The following SLC17A1 variants were observed in gnomAD, a reference collection of about 807,000 sequenced individuals.
The protein encoded by SLC17A1 is solute carrier family 17 member 1, also known as sodium-dependent phosphate transport protein 1.
In SLC17A1, 51 loss-of-function variants were observed where a neutral mutation model predicts 53.5. The ratio of observed to expected loss-of-function variants is 0.95; its 90% confidence interval spans 0.76 to 1.20. The LOEUF (loss-of-function observed/expected upper bound fraction) is 1.20, where lower values mean the gene tolerates loss of function less well. Among genes scored for constraint, SLC17A1 ranks in the 50% most tolerant of loss-of-function variants. SLC17A1 has a pLI of 0.00. For missense variants in SLC17A1, 538 were observed against 568.2 expected (o/e 0.95, Z 0.54); for synonymous variants, 179 against 198.8 (o/e 0.90, Z 0.84).
At chr6:25,726,171 C>T in the SLC17A1 span, 59 of 1,579,230 alleles carry the variant, frequency 3.7e-5, no homozygotes, top group Non-Finnish European at 4.7e-5. Flanking sequence ...TCTCAGTCTT[C>T]TTGGGCAGCA....
chr6:25,770,002 G>A, the SLC17A1 span: 1 of 1,470,856 alleles, frequency 6.8e-7, no homozygotes, highest in Non-Finnish European at 9.4e-7. Context: ...TGCCTCTCAA[G>A]TCCTCACAAT....
intron 2 of SLC17A1, among the ~76,000 whole-genome samples, chr6:25,828,816 T>C: frequency 6.6e-6 from 1 of 152,282 alleles, no homozygotes; most frequent in East Asian, 1.9e-4. Context: ...AGTGACCATT[T>C]AAATAAATTA....
chr6:25,736,265 A>T, the SLC17A1 span, among the ~76,000 whole-genome samples: 1 of 152,230 alleles, frequency 6.6e-6, no homozygotes, highest in East Asian at 1.9e-4. Context: ...TATCTCAATA[A>T]TGAGTTTCTT....
At chr6:25,818,123 G>T (rs570957419) in intron 6 of SLC17A1, among the ~76,000 whole-genome samples, 1 of 152,148 alleles carries the variant, frequency 6.6e-6, no homozygotes, top group African/African-American at 2.4e-5. Flanking sequence ...CATGTCCTCT[G>T]CTTCCACCTG....
chr6:25,764,452 C>A, the SLC17A1 span, among the ~76,000 whole-genome samples: 2 of 152,178 alleles, frequency 1.3e-5, no homozygotes, highest in Non-Finnish European at 2.9e-5. Context: ...AAAACAAGCA[C>A]AACACTTTGA....
chr6:25,745,107 G>A, the SLC17A1 span, among the ~76,000 whole-genome samples: 1 of 151,988 alleles, frequency 6.6e-6, no homozygotes, highest in Non-Finnish European at 1.5e-5. Context: ...TAGTAATCAA[G>A]CAGTTTGCAG....
rs73383251 is a variant in SLC17A1 at position 25,814,331 on chromosome 6, A to G, written c.617-1118T>C. ...CCTGCCTTTATGGAGTTGACTTTGTAGTGGACAAAAAAGAAAAAAATTATT... is the reference window on the plus strand; with the variant it reads ...CCTGCCTTTATGGAGTTGACTTTGTGGTGGACAAAAAAGAAAAAAATTATT... On this transcript the variant is annotated intron_variant, in intron 6 of 12. Coordinates refer to ENST00000244527, the MANE Select transcript of SLC17A1 (RefSeq NM_005074.5). Among the ~76,000 whole-genome samples the G allele has an allele frequency of 8.9e-3, 1,353 of 152,338 alleles. 18 individuals are homozygous for G. The highest frequency in any genetic ancestry group is 0.03 in the African/African-American group (1,229 of 41,582).
At chr6:25,790,263 TGG>T (rs1487382801) in intron 12 of SLC17A1, among the ~76,000 whole-genome samples, 3 of 152,182 alleles carry the variant, frequency 2.0e-5, no homozygotes, top group Non-Finnish European at 4.4e-5. Context: ...CCCAGATCCA[TGG>T]GTCTGGAAGA....
the SLC17A1 span, chr6:25,731,694 A>G: frequency 3.3e-6 from 3 of 903,968 alleles, no homozygotes; most frequent in African/African-American, 5.1e-5. Flanking sequence ...CTATAATAAA[A>G]TAAACATTCT....
At chr6:25,770,980 C>G in the SLC17A1 span, 1 of 1,613,864 alleles carries the variant, frequency 6.2e-7, no homozygotes, top group Admixed American at 1.7e-5. Context: ...CTCTGCCAGA[C>G]CATAGGATGG....
At position 25,826,744 on chromosome 6, in the gene SLC17A1, T is replaced by G. The variant is rs1355332107; in HGVS notation, c.35-111A>C. On this transcript the variant is annotated intron_variant, in intron 2 of 12. Transcript: ENST00000244527. Reference sequence around the variant, plus strand: ...GGAGCCCTAGATATTAATTTAAAATTTTATTGTACTTAATGACCTTTGATA... The same window carrying G: ...GGAGCCCTAGATATTAATTTAAAATGTTATTGTACTTAATGACCTTTGATA... The G allele has an allele frequency of 5.0e-6, 3 of 594,744 alleles. No homozygotes were observed. In the East Asian group the frequency reaches 9.8e-5, roughly 19 times the overall value. 36.8% of individuals were successfully genotyped at this position (594,744 alleles called of 1,614,324 possible).
the SLC17A1 span, among the ~76,000 whole-genome samples, chr6:25,766,271 T>A: frequency 2.0e-5 from 3 of 151,820 alleles, no homozygotes; most frequent in Admixed American, 6.6e-5. Flanking sequence ...AAAAAGTTAT[T>A]CCTTTTAAAA....
the SLC17A1 span, among the ~76,000 whole-genome samples, chr6:25,748,183 T>C: frequency 6.6e-6 from 1 of 152,234 alleles, no homozygotes; most frequent in African/African-American, 2.4e-5. Context: ...AGGTCTCAGA[T>C]TGGTGTTACT....
At chr6:25,808,585 TG>T (rs1764040035) in intron 10 of SLC17A1, among the ~76,000 whole-genome samples, 1 of 151,432 alleles carries the variant, frequency 6.6e-6, no homozygotes, top group Non-Finnish European at 1.5e-5. Context: ...ATTAAAAAAG[TG>T]GAAAAAAGAC....
chr6:25,801,058 T>A (rs1331207134), intron 10 of SLC17A1, 78 bp from the exon 11 acceptor site: 2 of 805,864 alleles, frequency 2.5e-6, no homozygotes, highest in Non-Finnish European at 4.2e-6. Context: ...AAATGAAATT[T>A]AAGAGAGATA....
the SLC17A1 span, among the ~76,000 whole-genome samples, chr6:25,755,354 C>T: frequency 7.9e-4 from 120 of 152,148 alleles, no homozygotes; most frequent in South Asian, 2.3e-3. Flanking sequence ...GAGTTTAGGG[C>T]AGAGGACTTT....
chr6:25,808,823 C>T (rs1324127345), intron 10 of SLC17A1, among the ~76,000 whole-genome samples: 1 of 152,060 alleles, frequency 6.6e-6, no homozygotes, highest in Non-Finnish European at 1.5e-5. Context: ...TTAGTACAAC[C>T]TCTATGGAAA....
the SLC17A1 span, among the ~76,000 whole-genome samples, chr6:25,753,722 G>A: frequency 1.3e-5 from 2 of 152,102 alleles, no homozygotes; most frequent in Admixed American, 6.5e-5. Flanking sequence ...GCCAGGAGTA[G>A]GGTTGGAGGG....
chr6:25,777,652 CA>C, the SLC17A1 span: 1 of 319,290 alleles, frequency 3.1e-6, no homozygotes, highest in African/African-American at 2.1e-5. Flanking sequence ...GACCATCTTG[CA>C]TAAACAATGT....
Sources: allele counts gnomAD v4.1 joint callset (sites outside exome capture counted in the v4.1 genomes callset), GRCh38; gene constraint gnomAD v4.1.1; transcripts MANE v1.5; gene names NCBI Gene and HGNC (gene_info 2026-07-23, HGNC 2026-07-21).